AGBL1: variants seen among roughly 807,000 people sequenced by gnomAD.
AGBL1 encodes cytosolic carboxypeptidase 4.
In AGBL1, 130 loss-of-function variants were observed where a neutral mutation model predicts 118.9. The observed-to-expected ratio is 1.09, with a 90% CI of 0.95 to 1.26. AGBL1 has a LOEUF of 1.26. Among genes scored for constraint, AGBL1 ranks in the 50% most tolerant of loss-of-function variants. AGBL1 has a pLI of 0.00. For missense variants in AGBL1, 1,584 were observed against 1,298.1 expected (o/e 1.22, Z -3.38); for synonymous variants, 555 against 478.9 (o/e 1.16, Z -2.08).
intron 17 of AGBL1, among the ~76,000 whole-genome samples, chr15:86,359,387 C>CTTTTTTTTTTTTTTTTT (rs56189861): frequency 1.1e-5 from 1 of 93,808 alleles, no homozygotes; most frequent in African/African-American, 4.1e-5. Flanking sequence ...TATTGGTTTT[C>CTTTTTTTTTTTTTTTTT]TTTTTTTTTT....
intron 22 of AGBL1, among the ~76,000 whole-genome samples, chr15:86,772,415 T>C (rs534453531): frequency 5.9e-5 from 9 of 152,232 alleles, no homozygotes; most frequent in Non-Finnish European, 7.4e-5. Flanking sequence ...GTTTACATTT[T>C]ATTTGTGGTG....
chr15:86,261,180 G>A (rs570039843), intron 9 of AGBL1, among the ~76,000 whole-genome samples: 1 of 152,330 alleles, frequency 6.6e-6, no homozygotes, highest in South Asian at 2.1e-4. Context: ...CAGCTCATGG[G>A]TTGAATGACT....
chr15:86,783,372 A>T (rs1415500129), intron 22 of AGBL1, among the ~76,000 whole-genome samples: 1 of 152,160 alleles, frequency 6.6e-6, no homozygotes, highest in African/African-American at 2.4e-5. Context: ...ATCTCCAGAA[A>T]GTCTGTTGTT....
chr15:86,095,028 C>T (rs181748088), intron 1 of AGBL1, among the ~76,000 whole-genome samples: 1 of 152,242 alleles, frequency 6.6e-6, no homozygotes, highest in Admixed American at 6.5e-5. Context: ...GCTAGAACAG[C>T]TCCCAGAACT....
chr15:86,379,053 C>G (rs60949279), intron 17 of AGBL1, among the ~76,000 whole-genome samples: 59,230 of 151,644 alleles, frequency 0.39, 12,449 homozygotes, highest in East Asian at 0.66. Context: ...GCTGGGACTA[C>G]AGGCACCCAC....
chr15:86,204,304 G>C (rs1236558913), intron 5 of AGBL1, among the ~76,000 whole-genome samples: 2 of 152,064 alleles, frequency 1.3e-5, no homozygotes, highest in Non-Finnish European at 2.9e-5. Context: ...GCTCACTCCT[G>C]GTATTCTTTA....
intron 21 of AGBL1, among the ~76,000 whole-genome samples, chr15:86,668,885 C>T (rs917803975): frequency 4.6e-5 from 7 of 152,124 alleles, no homozygotes; most frequent in African/African-American, 1.7e-4. Context: ...TAAAAATGGG[C>T]AAAGTCTTCA....
At chr15:86,846,027 T>C (rs2079312348) in intron 22 of AGBL1, among the ~76,000 whole-genome samples, 2 of 152,216 alleles carry the variant, frequency 1.3e-5, no homozygotes, top group South Asian at 4.1e-4. Context: ...CAAACTGATA[T>C]TGCCAATAAA....
chr15:86,800,375 C>G (rs902412209), intron 22 of AGBL1, among the ~76,000 whole-genome samples: 2 of 151,964 alleles, frequency 1.3e-5, no homozygotes, highest in South Asian at 2.1e-4. Context: ...TGTTTTTTCT[C>G]CTTTCCATAT....
intron 19 of AGBL1, among the ~76,000 whole-genome samples, 168 bp from the exon 20 acceptor site, chr15:86,545,831 AAAG>A (rs1388890004): frequency 3.3e-5 from 5 of 152,318 alleles, no homozygotes; most frequent in Middle Eastern, 3.4e-3. Flanking sequence ...CACTCTTGCC[AAAG>A]ACACCAGTGA....
chr15:86,594,865 A>G (rs1054504062), intron 21 of AGBL1, among the ~76,000 whole-genome samples: 3 of 152,154 alleles, frequency 2.0e-5, no homozygotes, highest in Non-Finnish European at 2.9e-5. Context: ...AACCCACTCT[A>G]TTGAGGCCTT....
chr15:86,171,249 G>A (rs1268223097), intron 5 of AGBL1, among the ~76,000 whole-genome samples: 1 of 152,130 alleles, frequency 6.6e-6, no homozygotes, highest in Non-Finnish European at 1.5e-5. Flanking sequence ...TTTGATTTTA[G>A]ATTATTATTT....
At chr15:86,088,752 A>G (rs1188017885) in intron 1 of AGBL1, among the ~76,000 whole-genome samples, 1 of 152,228 alleles carries the variant, frequency 6.6e-6, no homozygotes, top group African/African-American at 2.4e-5. Flanking sequence ...AAATCTTTAA[A>G]GACACTCATG....
intron 5 of AGBL1, among the ~76,000 whole-genome samples, chr15:86,183,637 A>G (rs2077583697): frequency 6.6e-6 from 1 of 152,194 alleles, no homozygotes; most frequent in African/African-American, 2.4e-5. Flanking sequence ...AAGAGGAAAG[A>G]GCCAGCCTCA....
At chr15:86,285,048 C>T (rs1190812804) in intron 16 of AGBL1, among the ~76,000 whole-genome samples, 5 of 152,138 alleles carry the variant, frequency 3.3e-5, no homozygotes, top group Non-Finnish European at 7.3e-5. Flanking sequence ...TCCTACTTTT[C>T]TCATCAATGA....
intron 5 of AGBL1, among the ~76,000 whole-genome samples, chr15:86,179,574 T>C (rs1217901241): frequency 3.3e-5 from 5 of 152,162 alleles, no homozygotes; most frequent in African/African-American, 1.2e-4. Context: ...AAATCACATC[T>C]ATGAAAACTG....
chr15:86,706,522 T>G (rs1260100008), intron 22 of AGBL1, among the ~76,000 whole-genome samples: 1 of 152,118 alleles, frequency 6.6e-6, no homozygotes, highest in East Asian at 1.9e-4. Context: ...CTTGAGAACA[T>G]ATTCTTCAGG....
rs1567164642 is a variant in AGBL1, at chr15:86,264,283, AT to A, written c.1115del (p.Leu372Ter). The A allele has an allele frequency of 6.2e-7, 1 of 1,604,198 alleles. No individual in the cohort carries two copies. Among genetic ancestry groups the A allele is most frequent in the Admixed American group, 1.7e-5 (1 of 58,460 alleles). On this transcript the variant is annotated frameshift_variant, in exon 11 of 23. Transcript: ENST00000614907. LOFTEE classifies it high-confidence loss of function. ...GAACTGCAGTCCAAACTTGGAGATG[AT>A]TTGAACTCTGAAAAGACTCAGTATG... is the stretch of plus-strand genomic sequence containing the variant. Reference protein sequence around the residue: ...FEELQSKLGDDLNSEKTQYAN... With the variant: ...FEELQSKLGDXLNSEKTQYAN...
chr15:86,981,101 C>T (rs1458677012), intron 23 of AGBL1, among the ~76,000 whole-genome samples: 2 of 151,810 alleles, frequency 1.3e-5, no homozygotes, highest in African/African-American at 2.4e-5. Flanking sequence ...TGGTCAGACC[C>T]GTCTCAAACT....
Sources: allele counts gnomAD v4.1 joint callset (sites outside exome capture counted in the v4.1 genomes callset), GRCh38; gene constraint gnomAD v4.1.1; transcripts MANE v1.5; gene names NCBI Gene and HGNC (gene_info 2026-07-23, HGNC 2026-07-21).